CLHC1: variants seen among roughly 807,000 people sequenced by gnomAD.
CLHC1 encodes clathrin heavy chain linker domain-containing protein 1.
Under a neutral mutation model 69.5 loss-of-function variants are expected in CLHC1, and 72 were observed. That is an observed-to-expected ratio of 1.04 (90% CI 0.86 to 1.26). CLHC1 has a LOEUF of 1.26. CLHC1 is among the 50% of genes most tolerant of loss of function. The pLI is 0.00. For missense variants in CLHC1, 790 were observed against 679.3 expected (o/e 1.16, Z -1.81); for synonymous variants, 223 against 224.3 (o/e 0.99, Z 0.05).
chr2:55,191,078 T>C (rs1015605793), intron 9 of CLHC1, among the ~76,000 whole-genome samples: 1 of 152,166 alleles, frequency 6.6e-6, no homozygotes, highest in African/African-American at 2.4e-5. Context: ...CAAAATCCTT[T>C]AACTACAGAA....
chr2:55,191,134 G>A (rs964382142), intron 9 of CLHC1, among the ~76,000 whole-genome samples: 1 of 152,116 alleles, frequency 6.6e-6, no homozygotes, highest in Non-Finnish European at 1.5e-5. Context: ...CCTTTCAAAA[G>A]CGAAGGTAAA....
At chr2:55,212,494 T>A (rs1673102455) in intron 5 of CLHC1, among the ~76,000 whole-genome samples, 179 bp downstream of exon 5, 2 of 152,168 alleles carry the variant, frequency 1.3e-5, no homozygotes, top group Non-Finnish European at 2.9e-5. Context: ...AACTCAATCT[T>A]TTAGAGTTCG....
intron 4 of CLHC1, among the ~76,000 whole-genome samples, chr2:55,214,038 G>A (rs1673254061): frequency 1.3e-5 from 2 of 152,084 alleles, no homozygotes; most frequent in South Asian, 4.1e-4. Flanking sequence ...GTCATGGATG[G>A]GGGGTTCTGG....
chr2:55,209,353 A>T (rs900196165), intron 7 of CLHC1, 51 bp downstream of exon 7: 28 of 589,336 alleles, frequency 4.8e-5, no homozygotes, highest in Non-Finnish European at 6.4e-5. Context: ...CTAGCTAGCG[A>T]AAAAAATGTC....
At position 55,175,580 on chromosome 2, in the gene CLHC1, C is replaced by T. The variant is rs1669310285; in HGVS notation, c.*210G>A. ...TATAATCTTGGATTTTATCAAGATT[C>T]AATATAAGAAATGACCATATGGGGA... is the stretch of plus-strand genomic sequence containing the variant. On this transcript the variant is annotated 3_prime_UTR_variant, in exon 13 of 13. Transcript: ENST00000401408. 1 of 510,888 alleles carries T rather than the reference C, an allele frequency of 2.0e-6. No individual in the cohort carries two copies. Among genetic ancestry groups the T allele is most frequent in the African/African-American group, 1.9e-5 (1 of 52,756 alleles). The allele number at this position is 510,888 out of a possible 1,614,324, so 31.6% of individuals were successfully genotyped here.
chr2:55,209,778 G>T lies in CLHC1; in HGVS notation c.553C>A (p.His185Asn). 1.1e-5 allele frequency: 18 copies of T among 1,611,276 alleles called. No individual in the cohort carries two copies. The highest frequency in any genetic ancestry group is 1.5e-5 in the Non-Finnish European group (18 of 1,178,000). The change falls in exon 6 of 13, where the codon CAT becomes AAT. Residue 185 changes from histidine to asparagine, a missense_variant. Transcript: ENST00000401408. ...ATTTCTGCATATTTATCTTCAAGAT[G>T]TTTCATGTATTTAGTGAGAGCATCT... Reference protein sequence around the residue: ...NLDALTKYMKHLEDKYAEIKQ... With the variant: ...NLDALTKYMKNLEDKYAEIKQ...
At chr2:55,212,899 T>A in intron 4 of CLHC1, 93 bp from the exon 5 acceptor site, 1 of 991,470 alleles carries the variant, frequency 1.0e-6, no homozygotes, top group Admixed American at 2.1e-5. Context: ...ATTACTTTAT[T>A]TTGAACCATT....
chr2:55,186,260 G>C (rs911733707), intron 9 of CLHC1, among the ~76,000 whole-genome samples: 3 of 152,106 alleles, frequency 2.0e-5, no homozygotes, highest in Non-Finnish European at 2.9e-5. Flanking sequence ...AGCCTTTCCA[G>C]AGAATACACA....
Position 55,177,778 on chromosome 2 carries a change from T to C in CLHC1, c.1388A>G (p.Asp463Gly), listed in dbSNP as rs766832824. Reference protein sequence around the residue: ...IQQLKDFTTDDLLQLLMSCPQ... With the variant: ...IQQLKDFTTDGLLQLLMSCPQ... ...ACATGACATTAATAGCTGCAACAGG[T>C]CATCTGAAGGCAAAAATGAAAAAGT... Residue 463 changes from aspartate to glycine, a missense_variant, in exon 12 of 13, where the codon GAC becomes GGC. Transcript: ENST00000401408. The C allele has an allele frequency of 2.5e-6, 4 of 1,599,434 alleles. No homozygotes were observed. In the South Asian group the frequency reaches 3.4e-5, roughly 13 times the overall value.
chr2:55,181,786 A>C (rs1669964728), intron 9 of CLHC1, 42 bp from the exon 10 acceptor site: 1 of 1,524,960 alleles, frequency 6.6e-7, no homozygotes, highest in Non-Finnish European at 8.9e-7. Flanking sequence ...TACTTTAAGA[A>C]ATAGTTTGCT....
In CLHC1 at chr2:55,192,185, T is replaced by A. The variant is rs1412232681; in HGVS notation, c.1007-10441A>T. On this transcript the variant is annotated intron_variant, in intron 9 of 12. Coordinates refer to ENST00000401408, the MANE Select transcript of CLHC1 (RefSeq NM_152385.4). Reference sequence around the variant, plus strand: ...CCCAGGCTGGAGTGCAGTAGTGTGATCTTGGCTCACTGCAACCTTTGCCTC... The same window carrying A: ...CCCAGGCTGGAGTGCAGTAGTGTGAACTTGGCTCACTGCAACCTTTGCCTC... Among the ~76,000 whole-genome samples the A allele has an allele frequency of 2.0e-5, 3 of 152,176 alleles. No individual in the cohort carries two copies. In the East Asian group the frequency reaches 5.8e-4, roughly 29 times the overall value.
intron 9 of CLHC1, among the ~76,000 whole-genome samples, chr2:55,199,651 C>T (rs1468149227): frequency 1.3e-5 from 2 of 151,994 alleles, no homozygotes; most frequent in Non-Finnish European, 2.9e-5. Context: ...TTTGTTTATG[C>T]AATCAGTGTT....
At chr2:55,232,410 C>T (rs182340529), upstream of CLHC1, 1 of 288,024 alleles carries the variant, frequency 3.5e-6, no homozygotes, top group Non-Finnish European at 6.8e-6. Flanking sequence ...CCCCCCTCGA[C>T]CTCCTTTTAA....
intron 2 of CLHC1, chr2:55,224,107 TAA>T (rs147455189): frequency 0.013 from 2,369 of 182,390 alleles, 67 homozygotes; most frequent in African/African-American, 0.053. Context: ...TCGTTAACCT[TAA>T]AGTCATTGGT....
Position 55,222,268 on chromosome 2 carries a change from T to C in CLHC1, c.144A>G (p.Glu48=), listed in dbSNP as rs764845549. ...AAACATTTCGGTATATGATGTAATATTCATCAGCAGGTCCTTCCTCACTAC... is the reference window on the plus strand; with the variant it reads ...AAACATTTCGGTATATGATGTAATACTCATCAGCAGGTCCTTCCTCACTAC... ...LGCSEEGPAD[E]YYIIYRNVFD... Residue 48 remains glutamate (E), a synonymous_variant, in exon 3 of 13, where the codon GAA becomes GAG. Transcript: ENST00000401408. 8 of 1,613,436 alleles carry C rather than the reference T, an allele frequency of 5.0e-6. No homozygotes were observed. The highest frequency in any genetic ancestry group is 5.9e-6 in the Non-Finnish European group (7 of 1,179,674).
intron 4 of CLHC1, among the ~76,000 whole-genome samples, chr2:55,217,563 A>ATATATATG (rs1673691385): frequency 3.1e-5 from 3 of 95,702 alleles, no homozygotes; most frequent in Non-Finnish European, 5.5e-5. Context: ...ATATATATAT[A>ATATATATG]TATATATATA....
intron 9 of CLHC1, among the ~76,000 whole-genome samples, chr2:55,183,335 C>G (rs1276588955): frequency 6.6e-6 from 1 of 152,142 alleles, no homozygotes; most frequent in Non-Finnish European, 1.5e-5. Context: ...AAGATATTAT[C>G]CAGTAAAAGA....
intron 9 of CLHC1, among the ~76,000 whole-genome samples, chr2:55,192,136 T>C (rs1234357334): frequency 1.3e-5 from 2 of 150,822 alleles, no homozygotes; most frequent in African/African-American, 4.9e-5. Flanking sequence ...TGTTGTTGTT[T>C]TGAGATGGAG....
intron 5 of CLHC1, among the ~76,000 whole-genome samples, chr2:55,210,410 G>A (rs1672877063): frequency 6.6e-6 from 1 of 151,878 alleles, no homozygotes; most frequent in African/African-American, 2.4e-5. Flanking sequence ...TGGCCAGGCT[G>A]GTCTTGAACT....
Sources: allele counts gnomAD v4.1 joint callset (sites outside exome capture counted in the v4.1 genomes callset), GRCh38; gene constraint gnomAD v4.1.1; transcripts MANE v1.5; gene names NCBI Gene and HGNC (gene_info 2026-07-23, HGNC 2026-07-21).